TTC29: variants seen among roughly 807,000 people sequenced by gnomAD.
TTC29 encodes the protein tetratricopeptide repeat protein 29.
In TTC29, 49 loss-of-function variants were observed where a neutral mutation model predicts 58.1. The observed-to-expected ratio is 0.84, with a 90% CI of 0.67 to 1.07. The LOEUF (loss-of-function observed/expected upper bound fraction) is 1.07. TTC29 is among the 50% of genes least tolerant of loss of function. The pLI, the probability that TTC29 is intolerant of heterozygous loss-of-function variation, is 0.00. For missense variants in TTC29, 582 were observed against 555.6 expected, an observed-to-expected ratio of 1.05 and a Z score of -0.48; for synonymous variants, 209 against 196.8, an observed-to-expected ratio of 1.06 and a Z score of -0.52.
intron 11 of TTC29, among the ~76,000 whole-genome samples, chr4:146,731,019 A>AT (rs1293653404): frequency 1.3e-5 from 2 of 152,202 alleles, no homozygotes; most frequent in African/African-American, 4.8e-5. Context: ...TCTACAGATC[A>AT]TTTGATGCAG....
intron 4 of TTC29, among the ~76,000 whole-genome samples, chr4:146,927,020 C>A (rs572716535): frequency 6.8e-6 from 1 of 146,806 alleles, no homozygotes; most frequent in African/African-American, 2.5e-5. Context: ...TTGCTTAAAC[C>A]CAGGAGGTGG....
intron 7 of TTC29, among the ~76,000 whole-genome samples, chr4:146,871,092 A>G (rs1321734749): frequency 6.6e-6 from 1 of 151,944 alleles, no homozygotes; most frequent in Non-Finnish European, 1.5e-5. Context: ...TAACAAAATT[A>G]CTCACAAAGC....
In TTC29 at chr4:146,833,847, AC is replaced by A; in HGVS notation, c.935del (p.Ser312IlefsTer9). The A allele has an allele frequency of 6.2e-7, 1 of 1,613,364 alleles. No individual in the cohort carries two copies. Among genetic ancestry groups the A allele is most frequent in the South Asian group, 1.1e-5 (1 of 91,070 alleles). On this transcript the variant is annotated frameshift_variant, in exon 9 of 13. Coordinates refer to ENST00000325106, the MANE Select transcript of TTC29 (RefSeq NM_031956.4). LOFTEE classifies it high-confidence loss of function. Reference sequence around the variant, plus strand: ...CTATGGCTTCATAGCCTCTCCCCAGACTGAGATCATCATCCAGGTCTGTGGA... The same window carrying A: ...CTATGGCTTCATAGCCTCTCCCCAGATGAGATCATCATCCAGGTCTGTGGA... Reference protein sequence around the residue: ...KISTDLDDDLSLGRGYEAIAK... With the variant: ...KISTDLDDDLXLGRGYEAIAK...
chr4:146,905,197 A>T (rs955911139), intron 5 of TTC29, among the ~76,000 whole-genome samples: 1 of 152,084 alleles, frequency 6.6e-6, no homozygotes, highest in African/African-American at 2.4e-5. Flanking sequence ...CTTCCTACAT[A>T]ATGTGAATAC....
At chr4:146,942,812 C>T (rs1736534550) in intron 2 of TTC29, 1 of 494,692 alleles carries the variant, frequency 2.0e-6, no homozygotes, top group Non-Finnish European at 3.6e-6. Context: ...ATGCAGTGGG[C>T]ACTGGGGCCA....
At chr4:146,837,235 G>A (rs558969357) in intron 8 of TTC29, among the ~76,000 whole-genome samples, 17 of 152,122 alleles carry the variant, frequency 1.1e-4, no homozygotes, top group South Asian at 1.0e-3. Flanking sequence ...TAGTAAACTA[G>A]CACAGAAACA....
intron 11 of TTC29, among the ~76,000 whole-genome samples, chr4:146,710,432 C>T (rs1742400336): frequency 1.3e-5 from 2 of 152,122 alleles, no homozygotes; most frequent in Non-Finnish European, 2.9e-5. Context: ...TTTAGTATCA[C>T]CATTGTGTAT....
At chr4:146,896,585 G>A (rs1417364619) in intron 6 of TTC29, among the ~76,000 whole-genome samples, 1 of 152,136 alleles carries the variant, frequency 6.6e-6, no homozygotes, top group Non-Finnish European at 1.5e-5. Flanking sequence ...GAATTTTAGG[G>A]TGTGTGAGGA....
intron 9 of TTC29, among the ~76,000 whole-genome samples, chr4:146,824,043 G>A (rs1279527253): frequency 6.6e-6 from 1 of 152,154 alleles, no homozygotes. Flanking sequence ...CATGTCATCT[G>A]CAAACAGAGA....
chr4:146,743,144 GTGACACACTTT>G lies in TTC29; in HGVS notation c.1331-35604_1331-35594del, dbSNP rs1332980311. ...AAATTTCATGTAGAAAACATTCTCGGTGACACACTTTTTTTAAAAAGAAAATATGCAAGAAA... is the reference window on the plus strand; with the variant it reads ...AAATTTCATGTAGAAAACATTCTCGGTTTTAAAAAGAAAATATGCAAGAAA... On this transcript the variant is annotated intron_variant, in intron 11 of 12. Coordinates refer to ENST00000325106, the MANE Select transcript of TTC29 (RefSeq NM_031956.4). Among the ~76,000 whole-genome samples the G allele has an allele frequency of 5.3e-5, 8 of 152,084 alleles. No individual in the cohort carries two copies. The East Asian group carries it at 1.6e-3, about 29-fold the overall frequency.
chr4:146,841,505 T>C (rs1369324528), intron 8 of TTC29, among the ~76,000 whole-genome samples: 4 of 152,278 alleles, frequency 2.6e-5, no homozygotes, highest in African/African-American at 9.6e-5. Flanking sequence ...AAACAAGTTC[T>C]AGAATGTAAC....
At chr4:146,912,818 G>T (rs1180396172) in intron 4 of TTC29, among the ~76,000 whole-genome samples, 2 of 152,018 alleles carry the variant, frequency 1.3e-5, no homozygotes, top group African/African-American at 4.8e-5. Context: ...AAAGCTGGAA[G>T]GATAGAGAGA....
intron 4 of TTC29, among the ~76,000 whole-genome samples, chr4:146,917,370 ATTATG>A (rs1258396748): frequency 1.4e-5 from 2 of 140,646 alleles, no homozygotes; most frequent in Non-Finnish European, 3.0e-5. Context: ...TTTTTATAAT[ATTATG>A]TTATGACTAA....
intron 6 of TTC29, among the ~76,000 whole-genome samples, chr4:146,890,932 G>A (rs1732316972): frequency 6.6e-6 from 1 of 152,080 alleles, no homozygotes; most frequent in African/African-American, 2.4e-5. Context: ...AACTAGTGGG[G>A]GAGCTATTGG....
chr4:146,766,094 G>A (rs113968053), intron 11 of TTC29, among the ~76,000 whole-genome samples: 1 of 152,038 alleles, frequency 6.6e-6, no homozygotes, highest in Non-Finnish European at 1.5e-5. Context: ...TAGTTCAACT[G>A]TGCTCAGCTA....
At chr4:146,778,334 G>A (rs1273415617) in intron 11 of TTC29, among the ~76,000 whole-genome samples, 1 of 151,578 alleles carries the variant, frequency 6.6e-6, no homozygotes. Context: ...GAGTTATTTA[G>A]TACTAAGAAT....
chr4:146,789,183 TG>T (rs1185952873), intron 11 of TTC29, among the ~76,000 whole-genome samples: 1 of 152,190 alleles, frequency 6.6e-6, no homozygotes, highest in African/African-American at 2.4e-5. Context: ...GATAAGGAAA[TG>T]TTATCTTAAG....
chr4:146,714,261 A>G (rs1046137088), intron 11 of TTC29, among the ~76,000 whole-genome samples: 1 of 152,186 alleles, frequency 6.6e-6, no homozygotes, highest in African/African-American at 2.4e-5. Flanking sequence ...GAACAAAAAC[A>G]AAGTTACTCT....
chr4:146,909,149 C>T lies in TTC29; in HGVS notation c.277G>A (p.Ala93Thr), dbSNP rs767140658. 10 of 1,613,668 alleles carry T rather than the reference C, an allele frequency of 6.2e-6. No homozygotes were observed. In the East Asian group the frequency reaches 2.0e-4, roughly 32 times the overall value. The change falls in exon 5 of 13, where the codon GCC becomes ACC. Residue 93 changes from alanine (A) to threonine (T), a missense_variant. Transcript: ENST00000325106. ...ELFALMERWDALREAARVRSL... is the reference protein window; with the variant it reads ...ELFALMERWDTLREAARVRSL... ...CTGACTCTCGCAGCCTCCCTCAGGG[C>T]ATCCCACCGCTCCATCAGAGCGAAG...
Sources: gnomAD v4.1 joint callset for allele counts (sites outside exome capture counted in the v4.1 genomes callset) on GRCh38, gnomAD v4.1.1 for gene constraint, MANE v1.5 for transcripts, NCBI Gene and HGNC (gene_info 2026-07-23, HGNC 2026-07-21) for gene names.